The following NR1I2 variants were observed in gnomAD, a reference collection of about 807,000 sequenced individuals.
NR1I2 encodes nuclear receptor subfamily 1 group I member 2.
Under a neutral mutation model 43.3 loss-of-function variants are expected in NR1I2, and 42 were observed. The observed-to-expected ratio is 0.97, with a 90% CI of 0.76 to 1.26. The LOEUF (loss-of-function observed/expected upper bound fraction) is 1.26, where lower values mean the gene tolerates loss of function less well. Among genes scored for constraint, NR1I2 ranks in the 50% most tolerant of loss-of-function variants. The pLI is 0.00. For synonymous variants in NR1I2, 229 were observed against 215.0 expected, an observed-to-expected ratio of 1.06 and a Z score of -0.57; for missense variants, 559 against 566.7, an observed-to-expected ratio of 0.99 and a Z score of 0.14.
At chr3:119,782,993 T>C in intron 1 of NR1I2, 1 of 729,428 alleles carries the variant, frequency 1.4e-6, no homozygotes. Flanking sequence ...GAGGCACTGC[T>C]TTAAGGCCAC....
At chr3:119,801,278 T>C (rs2461823) in intron 1 of NR1I2, among the ~76,000 whole-genome samples, 89,940 of 152,148 alleles carry the variant, frequency 0.59, 26,983 homozygotes, top group Middle Eastern at 0.69. Flanking sequence ...TCTGAAGAAG[T>C]GTTTACTTTC....
At position 119,818,297 on chromosome 3, in the gene NR1I2, T is replaced by G; in HGVS notation, c.*1085T>G. ...CCTTATATTTCTGTGTACACATCTA[T>G]TCTCAAAGCTAAAGGGTATGAAAGT... On this transcript the variant is annotated 3_prime_UTR_variant, in exon 9 of 9. Coordinates refer to ENST00000393716, the MANE Select transcript of NR1I2 (RefSeq NM_003889.4). 1 of 985,474 alleles carries G rather than the reference T, an allele frequency of 1.0e-6. No individual in the cohort carries two copies. Among genetic ancestry groups the G allele is most frequent in the Non-Finnish European group, 1.2e-6 (1 of 829,916 alleles). 61.0% of individuals were successfully genotyped at this position (985,474 alleles called of 1,614,324 possible).
intron 1 of NR1I2, among the ~76,000 whole-genome samples, chr3:119,804,518 C>G (rs531340734): frequency 6.9e-6 from 1 of 145,062 alleles, no homozygotes; most frequent in South Asian, 2.2e-4. Flanking sequence ...GATTTCGGCT[C>G]ACTGCAGCCT....
rs12721607 is a variant in NR1I2, at chr3:119,807,356, G to A, written c.106G>A (p.Gly36Arg). The change falls in exon 2 of 9, where the codon GGA (glycine) becomes AGA (arginine). Residue 36 changes from glycine to arginine, a missense_variant. By Grantham distance (125) the Gly-to-Arg change is moderately radical (BLOSUM62 -2). This residue lies in a region of NR1I2 where 232 missense variants were observed against 236.6 expected (regional missense o/e 0.98). Transcript: ENST00000393716. ...CAGTGTCAACGCAGATGAGGAAGTC[G>A]GAGGTCCCCAAATCTGCCGTGTATG... 0.021 allele frequency: 34,485 copies of A among 1,614,186 alleles called. 420 individuals carry two copies. The highest frequency in any genetic ancestry group is 0.027 in the Non-Finnish European group (31,439 of 1,180,006).
chr3:119,815,676 T>G, intron 7 of NR1I2, 50 bp from the exon 8 acceptor site: 2 of 1,494,278 alleles, frequency 1.3e-6, no homozygotes, highest in Non-Finnish European at 1.8e-6. Context: ...TGGGCTGGAC[T>G]GAGCTTGTCT....
rs1160019293 is a variant in NR1I2 at position 119,815,117 on chromosome 3, T to C, written c.933T>C (p.Thr311=). ...GGCTGTCCTACTGCTTGGAAGACAC[T>C]GCAGGTGCCCGAGAGAGCCTGCCTG... Residue 311 remains threonine (T), a synonymous_variant, in exon 6 of 9, where the codon ACT becomes ACC. Transcript: ENST00000393716. 3.7e-6 allele frequency: 6 copies of C among 1,613,970 alleles called. No homozygotes were observed. The highest frequency in any genetic ancestry group is 5.1e-6 in the Non-Finnish European group (6 of 1,180,024).
At chr3:119,784,012 T>C (rs569301094) in intron 1 of NR1I2, among the ~76,000 whole-genome samples, 4 of 152,348 alleles carry the variant, frequency 2.6e-5, no homozygotes, top group Admixed American at 6.5e-5. Flanking sequence ...TTTTTCAGTC[T>C]TACCAATGAA....
chr3:119,809,738 C>A (rs1239686652), intron 2 of NR1I2, among the ~76,000 whole-genome samples: 1 of 152,142 alleles, frequency 6.6e-6, no homozygotes, highest in Non-Finnish European at 1.5e-5. Context: ...GAAGGGAAGG[C>A]GCTGAGGATG....
Position 119,815,060 on chromosome 3 carries a change from C to T in NR1I2, c.876C>T (p.Phe292=). Residue 292 remains phenylalanine, a synonymous_variant, in exon 6 of 9, where the codon TTC becomes TTT. Coordinates refer to ENST00000393716, the MANE Select transcript of NR1I2 (RefSeq NM_003889.4). ...GTCAACTGAGATTCAACACAGTGTT[C>T]AACGCGGAGACTGGAACCTGGGAGT... The T allele has an allele frequency of 6.2e-7, 1 of 1,614,106 alleles. No homozygotes were observed. The highest frequency in any genetic ancestry group is 8.5e-7 in the Non-Finnish European group (1 of 1,180,036).
At chr3:119,802,793 A>G (rs1214254624) in intron 1 of NR1I2, 10 of 429,684 alleles carry the variant, frequency 2.3e-5, no homozygotes, top group Non-Finnish European at 4.2e-5. Flanking sequence ...AGTTATTTGG[A>G]ATACATAACA....
intron 1 of NR1I2, among the ~76,000 whole-genome samples, chr3:119,804,062 A>T (rs1229618164): frequency 4.7e-5 from 7 of 147,936 alleles, no homozygotes; most frequent in Non-Finnish European, 1.0e-4. Flanking sequence ...CCAGTCCCAC[A>T]GTGTCTTTTA....
At chr3:119,793,044 G>A (rs1054859546) in intron 1 of NR1I2, among the ~76,000 whole-genome samples, 7 of 151,960 alleles carry the variant, frequency 4.6e-5, no homozygotes, top group Non-Finnish European at 7.4e-5. Flanking sequence ...TAAAGAGCCC[G>A]GCACCTCCTC....
Position 119,817,091 on chromosome 3 carries a change from C to G in NR1I2, c.1184C>G (p.Ala395Gly). 6.2e-7 allele frequency: 1 copy of G among 1,614,202 alleles called. No individual in the cohort carries two copies. Among genetic ancestry groups the G allele is most frequent in the Non-Finnish European group, 8.5e-7 (1 of 1,180,040 alleles). ...AGGTTCTTGTTCCTGAAGATCATGG[C>G]TATGCTCACCGAGCTCCGCAGCATC... Residue 395 changes from alanine to glycine, a missense_variant, in exon 9 of 9, where the codon GCT (alanine) becomes GGT (glycine). Coordinates refer to ENST00000393716, the MANE Select transcript of NR1I2 (RefSeq NM_003889.4).
chr3:119,810,942 G>A (rs1481081006), intron 3 of NR1I2: 1 of 153,344 alleles, frequency 6.5e-6, no homozygotes, highest in Non-Finnish European at 1.5e-5. Flanking sequence ...TATATAAGAA[G>A]TCTCTGGAGT....
chr3:119,794,200 T>G (rs983749907), intron 1 of NR1I2, among the ~76,000 whole-genome samples: 5 of 151,810 alleles, frequency 3.3e-5, no homozygotes, highest in Non-Finnish European at 7.4e-5. Context: ...TTTGTTTTTT[T>G]GGGGTGTTTT....
intron 1 of NR1I2, 98 bp downstream of exon 1, chr3:119,782,398 T>A (rs1325855204): frequency 4.2e-6 from 1 of 240,524 alleles, no homozygotes; most frequent in Non-Finnish European, 8.4e-6. Context: ...CTGTTTGAGG[T>A]CAGCATCATA....
chr3:119,786,013 TGA>T (rs2054838291), intron 1 of NR1I2, among the ~76,000 whole-genome samples: 1 of 152,218 alleles, frequency 6.6e-6, no homozygotes, highest in Non-Finnish European at 1.5e-5. Context: ...GAATGAATAT[TGA>T]GTTTTATTAA....
In NR1I2 at chr3:119,815,101, A is replaced by G; in HGVS notation, c.917A>G (p.Tyr306Cys). Residue 306 changes from tyrosine to cysteine, a missense_variant, in exon 6 of 9, where the codon TAC becomes TGC. Transcript: ENST00000393716. The stretch of plus-strand genomic sequence containing the variant: ...ACCTGGGAGTGTGGCCGGCTGTCCT[A>G]CTGCTTGGAAGACACTGCAGGTGCC... 1 of 1,614,092 alleles carries G rather than the reference A, an allele frequency of 6.2e-7. No individual in the cohort carries two copies. Among genetic ancestry groups the G allele is most frequent in the Non-Finnish European group, 8.5e-7 (1 of 1,180,018 alleles).
intron 1 of NR1I2, among the ~76,000 whole-genome samples, chr3:119,805,058 G>C (rs1447755829): frequency 6.6e-6 from 1 of 151,926 alleles, no homozygotes; most frequent in African/African-American, 2.4e-5. Context: ...ATTATTATTG[G>C]TTTATGAAGT....
Sources: allele counts gnomAD v4.1 joint callset (sites outside exome capture counted in the v4.1 genomes callset), GRCh38; gene constraint gnomAD v4.1.1; regional missense constraint gnomAD v4.1.1; transcripts MANE v1.5; gene names NCBI Gene and HGNC (gene_info 2026-07-23, HGNC 2026-07-21).